L2HGDH: variants seen among roughly 807,000 people sequenced by gnomAD.
The protein encoded by L2HGDH is L-2-hydroxyglutarate dehydrogenase.
In L2HGDH, 34 loss-of-function variants were observed where a neutral mutation model predicts 51.5. The ratio of observed to expected loss-of-function variants is 0.66; its 90% confidence interval spans 0.50 to 0.88. The LOEUF (loss-of-function observed/expected upper bound fraction) is 0.88. L2HGDH is among the 40% of genes least tolerant of loss of function. L2HGDH has a pLI of 0.00. For synonymous variants in L2HGDH, 198 were observed against 197.9 expected (o/e 1.00, Z -0.01); for missense variants, 558 against 571.9 (o/e 0.98, Z 0.25).
At chr14:50,288,183 CA>C (rs1348925680) in intron 4 of L2HGDH, among the ~76,000 whole-genome samples, 1 of 152,058 alleles carries the variant, frequency 6.6e-6, no homozygotes, top group Non-Finnish European at 1.5e-5. Context: ...ATTAGTTTCA[CA>C]ATTGAATTCC....
chr14:50,280,806 G>A (rs887955738), intron 5 of L2HGDH, among the ~76,000 whole-genome samples: 13 of 149,908 alleles, frequency 8.7e-5, no homozygotes, highest in Middle Eastern at 7.5e-3. Context: ...GAGCCACTGC[G>A]CCCAGCCCTA....
At position 50,261,623 on chromosome 14, in the gene L2HGDH, T is replaced by C. The variant is rs114745193; in HGVS notation, c.1196+3735A>G. Among the ~76,000 whole-genome samples, 763 of 151,828 alleles carry C rather than the reference T, an allele frequency of 5.0e-3. 8 individuals carry two copies. The highest frequency in any genetic ancestry group is 0.016 in the African/African-American group (676 of 41,416). On this transcript the variant is annotated intron_variant, in intron 9 of 9. Coordinates refer to ENST00000267436, the MANE Select transcript of L2HGDH (RefSeq NM_024884.3). Reference sequence around the variant, plus strand: ...TAAGCCTCTCTAGTAGCTACAACTATAGGCGTGCACCACCTGCCCAGCTAA... The same window carrying C: ...TAAGCCTCTCTAGTAGCTACAACTACAGGCGTGCACCACCTGCCCAGCTAA...
At chr14:50,277,806 A>G (rs1890056713) in intron 6 of L2HGDH, among the ~76,000 whole-genome samples, 1 of 147,896 alleles carries the variant, frequency 6.8e-6, no homozygotes, top group South Asian at 2.1e-4. Flanking sequence ...AATAATAATA[A>G]TAATAATAAT....
At chr14:50,311,358 C>G in intron 1 of L2HGDH, 1 of 456,108 alleles carries the variant, frequency 2.2e-6, no homozygotes. Context: ...CAGTCACACT[C>G]ATATGGCCCA....
rs930779059 is a variant in L2HGDH at position 50,246,729 on chromosome 14, AATT to A, written c.*326_*328del. 89 of 192,010 alleles carry A rather than the reference AATT, an allele frequency of 4.6e-4. No homozygotes were observed. Among genetic ancestry groups the A allele is most frequent in the Middle Eastern group, 2.5e-3 (1 of 404 alleles). The allele number at this position is 192,010 out of a possible 1,614,324, so 11.9% of individuals were successfully genotyped here. On this transcript the variant is annotated 3_prime_UTR_variant, in exon 10 of 10. Coordinates refer to ENST00000267436, the MANE Select transcript of L2HGDH (RefSeq NM_024884.3). Reference sequence around the variant, plus strand: ...ACGGCCCCCAGCCTAACATTTTGAAAATTATTATTATTATTATTTTCTTGCTCT... The same window carrying A: ...ACGGCCCCCAGCCTAACATTTTGAAAATTATTATTATTATTTTCTTGCTCT...
rs1410776201 is a variant in L2HGDH, at chr14:50,312,006, C to A, written c.140+5G>T. ...AGGCGGCGGGGAGGACCAGCGGCCA[C>A]TCACCTGGTGCTGGCGCTGCGGCTA... On this transcript the variant is annotated splice_donor_5th_base_variant and intron_variant, in intron 1 of 9. Transcript: ENST00000267436. 6.4e-7 allele frequency: 1 copy of A among 1,560,080 alleles called. No homozygotes were observed. Among genetic ancestry groups the A allele is most frequent in the Admixed American group, 1.9e-5 (1 of 52,696 alleles).
chr14:50,276,291 A>G (rs1348083490), intron 6 of L2HGDH, among the ~76,000 whole-genome samples: 1 of 152,242 alleles, frequency 6.6e-6, no homozygotes, highest in East Asian at 1.9e-4. Flanking sequence ...CAAAGAGAAT[A>G]TGAAATGCAT....
At chr14:50,259,501 C>T (rs112396161) in intron 9 of L2HGDH, among the ~76,000 whole-genome samples, 1,997 of 151,452 alleles carry the variant, frequency 0.013, 54 homozygotes, top group African/African-American at 0.044. Flanking sequence ...TGAGCCACCC[C>T]GCCCGGCCTC....
chr14:50,277,693 C>T (rs1325866258), intron 6 of L2HGDH, among the ~76,000 whole-genome samples: 1 of 151,486 alleles, frequency 6.6e-6, no homozygotes, highest in East Asian at 1.9e-4. Flanking sequence ...GAATGGTGTG[C>T]ACCCGAGAGG....
intron 7 of L2HGDH, among the ~76,000 whole-genome samples, chr14:50,268,596 T>C (rs1164228733): frequency 2.0e-5 from 3 of 152,074 alleles, no homozygotes; most frequent in Admixed American, 6.6e-5. Context: ...AAAGTACAAA[T>C]ACATGAGGTT....
At chr14:50,264,878 GTTTT>G (rs1040810138) in intron 9 of L2HGDH, among the ~76,000 whole-genome samples, 3 of 151,782 alleles carry the variant, frequency 2.0e-5, no homozygotes, top group Admixed American at 1.3e-4. Flanking sequence ...AACCTAAAAG[GTTTT>G]TTTTAAGTTT....
chr14:50,283,310 G>A (rs1890380317), intron 5 of L2HGDH, among the ~76,000 whole-genome samples: 1 of 152,144 alleles, frequency 6.6e-6, no homozygotes. Flanking sequence ...AGCCTTGGCA[G>A]TTCAGATTTT....
rs115679581 is a variant in L2HGDH, at chr14:50,293,919, T to C, written c.540+196A>G. Among the ~76,000 whole-genome samples the C allele has an allele frequency of 6.8e-3, 1,032 of 152,266 alleles. 18 individuals are homozygous for C. The highest frequency in any genetic ancestry group is 0.024 in the African/African-American group (997 of 41,550). On this transcript the variant is annotated intron_variant, in intron 4 of 9. Transcript: ENST00000267436. ...CTCTTGTCTTCATGTTGGTCAGACC[T>C]GGTATTTTCTCACAGAGAAAGAAAT... is the stretch of plus-strand genomic sequence containing the variant.
intron 6 of L2HGDH, among the ~76,000 whole-genome samples, chr14:50,270,492 TTTGTTGTTGTTGTTG>T (rs145385696): frequency 4.0e-5 from 6 of 150,628 alleles, no homozygotes; most frequent in Non-Finnish European, 7.4e-5. Flanking sequence ...GCCTTACTGT[TTTGTTGTTGTTGTTG>T]TTGTTGTTGT....
chr14:50,255,006 C>A (rs1333930541), intron 9 of L2HGDH, among the ~76,000 whole-genome samples: 1 of 152,008 alleles, frequency 6.6e-6, no homozygotes, highest in Non-Finnish European at 1.5e-5. Context: ...TGTGATCACA[C>A]CACTGCACTC....
chr14:50,296,478 G>A (rs188481115), intron 3 of L2HGDH, among the ~76,000 whole-genome samples: 50 of 144,416 alleles, frequency 3.5e-4, no homozygotes, highest in Admixed American at 1.3e-3. Context: ...GTATGGCAAC[G>A]AATTAGAAAA....
chr14:50,272,475 G>A (rs1295064564), intron 6 of L2HGDH, among the ~76,000 whole-genome samples: 2 of 152,150 alleles, frequency 1.3e-5, no homozygotes, highest in Non-Finnish European at 2.9e-5. Flanking sequence ...CATGCTTTAT[G>A]GAGCCTTTGG....
chr14:50,287,078 C>A, intron 4 of L2HGDH: 4 of 602,930 alleles, frequency 6.6e-6, no homozygotes, highest in Non-Finnish European at 8.3e-6. Context: ...AGCTGTGTGA[C>A]CCTGGGAAAG....
intron 4 of L2HGDH, 110 bp downstream of exon 4, chr14:50,294,005 A>T (rs988654154): frequency 3.1e-6 from 4 of 1,283,774 alleles, no homozygotes; most frequent in African/African-American, 2.9e-5. Flanking sequence ...CTTCTGTGAC[A>T]GGATTATCTA....
Sources: gnomAD v4.1 joint callset for allele counts (sites outside exome capture counted in the v4.1 genomes callset) on GRCh38, gnomAD v4.1.1 for gene constraint, MANE v1.5 for transcripts, NCBI Gene and HGNC (gene_info 2026-07-23, HGNC 2026-07-21) for gene names.